Variants in RNGTT observed in about 807,000 individuals in gnomAD.
RNGTT encodes mRNA-capping enzyme.
In RNGTT, 33 loss-of-function variants were observed where a neutral mutation model predicts 79.3. The observed-to-expected ratio is 0.42, with a 90% CI of 0.32 to 0.56. The LOEUF is 0.56. Ranked by LOEUF, RNGTT falls within the 20% of genes least tolerant of loss-of-function variation. The pLI, the probability that RNGTT is intolerant of heterozygous loss-of-function variation, is 0.17. For missense variants in RNGTT, 497 were observed against 739.1 expected (o/e 0.67, Z 3.80); for synonymous variants, 222 against 235.9 (o/e 0.94, Z 0.54).
intron 4 of RNGTT, among the ~76,000 whole-genome samples, chr6:88,916,787 C>T (rs1418819207): frequency 6.6e-6 from 1 of 152,216 alleles, no homozygotes; most frequent in Non-Finnish European, 1.5e-5. Context: ...GAGGCCAAAG[C>T]AACTCCATCT....
At chr6:88,791,903 T>G (rs1779434972) in intron 12 of RNGTT, among the ~76,000 whole-genome samples, 1 of 152,124 alleles carries the variant, frequency 6.6e-6, no homozygotes, top group Non-Finnish European at 1.5e-5. Flanking sequence ...TAGTTCACTC[T>G]AAAAATCTAA....
chr6:88,685,060 A>G (rs752567821), intron 13 of RNGTT, among the ~76,000 whole-genome samples: 1 of 152,200 alleles, frequency 6.6e-6, no homozygotes, highest in Non-Finnish European at 1.5e-5. Flanking sequence ...TACATACTAT[A>G]TGATTCTAGC....
intron 12 of RNGTT, among the ~76,000 whole-genome samples, chr6:88,771,342 T>C (rs879360356): frequency 0.15 from 19,069 of 129,938 alleles, 1,947 homozygotes; most frequent in Middle Eastern, 0.26. Context: ...TATATATATA[T>C]ATATATATAC....
chr6:88,739,058 A>C (rs1452778636), intron 13 of RNGTT, among the ~76,000 whole-genome samples: 1 of 152,142 alleles, frequency 6.6e-6, no homozygotes, highest in Non-Finnish European at 1.5e-5. Context: ...TATATAAAGA[A>C]GATAAAAAAA....
intron 13 of RNGTT, among the ~76,000 whole-genome samples, chr6:88,744,148 C>T (rs1482824240): frequency 6.6e-6 from 1 of 152,098 alleles, no homozygotes; most frequent in Non-Finnish European, 1.5e-5. Context: ...CATCTCCTGA[C>T]TATATGATTT....
intron 8 of RNGTT, among the ~76,000 whole-genome samples, chr6:88,874,607 G>T (rs372480150): frequency 1.3e-5 from 2 of 151,282 alleles, no homozygotes; most frequent in Admixed American, 6.6e-5. Flanking sequence ...CACACATAAT[G>T]AATAAGAGTA....
At chr6:88,869,790 C>A (rs1329575032) in intron 8 of RNGTT, among the ~76,000 whole-genome samples, 1 of 151,972 alleles carries the variant, frequency 6.6e-6, no homozygotes, top group Admixed American at 6.6e-5. Flanking sequence ...AGGCAACTAC[C>A]AAGGCCACAT....
chr6:88,799,700 C>CAAAA (rs36033019), intron 12 of RNGTT, among the ~76,000 whole-genome samples: 33 of 46,204 alleles, frequency 7.1e-4, no homozygotes, highest in African/African-American at 2.2e-3. Context: ...AACTCCATCT[C>CAAAA]AAAAAAAAAA....
rs1785706802 is a variant in RNGTT, at chr6:88,963,294, C to T, written c.64+52G>A. The T allele has an allele frequency of 6.3e-6, 10 of 1,594,196 alleles. No homozygotes were observed. The East Asian group carries it at 1.8e-4, about 29-fold the overall frequency. On this transcript the variant is annotated intron_variant, in intron 1 of 15. Coordinates refer to ENST00000369485, the MANE Select transcript of RNGTT (RefSeq NM_003800.5). ...AAAGCTGAGCTCCTCAGTCGGCCCA[C>T]CCCCGGGCACGTTGGAGTGTGGGGA...
At chr6:88,647,901 G>T (rs1406085906) in intron 14 of RNGTT, among the ~76,000 whole-genome samples, 2 of 151,560 alleles carry the variant, frequency 1.3e-5, no homozygotes, top group Non-Finnish European at 2.9e-5. Context: ...AAACAACGAT[G>T]AAAATACCTG....
At chr6:88,954,075 T>A (rs1035152346) in intron 1 of RNGTT, among the ~76,000 whole-genome samples, 2 of 152,098 alleles carry the variant, frequency 1.3e-5, no homozygotes, top group East Asian at 1.9e-4. Context: ...AGAATTTTTT[T>A]AAAAAAAGGT....
At chr6:88,903,145 T>C (rs1013070568) in intron 6 of RNGTT, among the ~76,000 whole-genome samples, 1 of 152,142 alleles carries the variant, frequency 6.6e-6, no homozygotes, top group Non-Finnish European at 1.5e-5. Context: ...ACAATTTGAA[T>C]CTAATCTTTA....
At chr6:88,657,765 G>C (rs1774033545) in intron 14 of RNGTT, among the ~76,000 whole-genome samples, 1 of 152,152 alleles carries the variant, frequency 6.6e-6, no homozygotes, top group Non-Finnish European at 1.5e-5. Flanking sequence ...CATGGGAACT[G>C]GATAAAGCCT....
At chr6:88,759,567 T>C (rs1332397496) in intron 13 of RNGTT, among the ~76,000 whole-genome samples, 1 of 152,134 alleles carries the variant, frequency 6.6e-6, no homozygotes, top group African/African-American at 2.4e-5. Flanking sequence ...CATGTGAACA[T>C]ATATATTCAA....
intron 12 of RNGTT, among the ~76,000 whole-genome samples, chr6:88,797,413 A>T (rs1779633972): frequency 6.6e-6 from 1 of 152,192 alleles, no homozygotes; most frequent in Non-Finnish European, 1.5e-5. Flanking sequence ...AAGTCAAAAA[A>T]GTAGGGAAAT....
At chr6:88,623,529 T>TTAATTCTACAACCAAAATATAATCTTAG (rs879913541) in intron 14 of RNGTT, among the ~76,000 whole-genome samples, 186 of 152,162 alleles carry the variant, frequency 1.2e-3, no homozygotes, top group Non-Finnish European at 2.2e-3. Context: ...CTCAGGCCTA[T>TTAATTCTACAACCAAAATATAATCTTAG]TAATTCTACA....
At chr6:88,953,963 G>A (rs1049793526) in intron 1 of RNGTT, among the ~76,000 whole-genome samples, 1 of 152,104 alleles carries the variant, frequency 6.6e-6, no homozygotes, top group Non-Finnish European at 1.5e-5. Context: ...CACACTACAA[G>A]AAATGCTAAA....
At chr6:88,692,824 C>A (rs749304422) in intron 13 of RNGTT, among the ~76,000 whole-genome samples, 2 of 151,922 alleles carry the variant, frequency 1.3e-5, no homozygotes, top group African/African-American at 2.4e-5. Flanking sequence ...CTTCATCTCT[C>A]AAATTTTGTT....
At chr6:88,776,005 G>A in intron 12 of RNGTT, among the ~76,000 whole-genome samples, 1 of 152,222 alleles carries the variant, frequency 6.6e-6, no homozygotes, top group South Asian at 2.1e-4. Context: ...TGAACATGGG[G>A]GCATACATTT....
Sources: gnomAD v4.1 joint callset for allele counts (sites outside exome capture counted in the v4.1 genomes callset) on GRCh38, gnomAD v4.1.1 for gene constraint, MANE v1.5 for transcripts, NCBI Gene and HGNC (gene_info 2026-07-23, HGNC 2026-07-21) for gene names.